The following ARHGAP42 variants were observed in gnomAD, a reference collection of about 807,000 sequenced individuals.
ARHGAP42 encodes the protein Rho GTPase activating protein 42, also known as rho GTPase-activating protein 42.
ARHGAP42 carries 63 observed loss-of-function variants against 125.0 expected under a neutral mutation model. The ratio of observed to expected loss-of-function variants is 0.50; its 90% CI spans 0.41 to 0.62. ARHGAP42 has a LOEUF of 0.62. ARHGAP42 is among the 20% of genes least tolerant of loss of function. The probability of loss-of-function intolerance (pLI) is 0.00; values close to 1 mark genes in which losing one functional copy is unlikely to be tolerated. For synonymous variants in ARHGAP42, 339 were observed against 351.0 expected (o/e 0.97, Z 0.38); for missense variants, 766 against 1,024.2 (o/e 0.75, Z 3.44).
chr11:100,843,795 T>C (rs1864996745), intron 3 of ARHGAP42, among the ~76,000 whole-genome samples: 3 of 152,116 alleles, frequency 2.0e-5, no homozygotes, highest in African/African-American at 7.2e-5. Flanking sequence ...AAAGAAGTCA[T>C]AGACAACACA....
At chr11:100,954,910 A>C (rs1396209162) in intron 12 of ARHGAP42, among the ~76,000 whole-genome samples, 1 of 152,170 alleles carries the variant, frequency 6.6e-6, no homozygotes, top group African/African-American at 2.4e-5. Flanking sequence ...GTTATCTGTG[A>C]TAAGGGACCT....
intron 12 of ARHGAP42, among the ~76,000 whole-genome samples, chr11:100,951,247 T>C (rs1212375010): frequency 6.6e-6 from 1 of 152,050 alleles, no homozygotes; most frequent in East Asian, 1.9e-4. Context: ...TAAATAATAT[T>C]TTAAAAAACT....
In ARHGAP42 at chr11:100,919,641, G is replaced by A. The variant is rs573302589; in HGVS notation, c.487-1853G>A. On this transcript the variant is annotated intron_variant, in intron 5 of 23. Transcript: ENST00000298815. Reference sequence around the variant, plus strand: ...GGTCTTGAACTCCTGAGCTCAAGCAGTCCTCCCACGTTGGCCTCTCAAAGT... The same window carrying A: ...GGTCTTGAACTCCTGAGCTCAAGCAATCCTCCCACGTTGGCCTCTCAAAGT... Among the ~76,000 whole-genome samples the A allele has an allele frequency of 8.2e-4, 124 of 152,032 alleles. 2 individuals are homozygous for A. The Middle Eastern group carries it at 0.048, about 58-fold the overall frequency.
chr11:100,933,039 A>G, intron 6 of ARHGAP42, 117 bp from the exon 7 acceptor site: 2 of 665,844 alleles, frequency 3.0e-6, no homozygotes, highest in Non-Finnish European at 4.8e-6. Flanking sequence ...TGCCAAAGCC[A>G]TTGAAAATGT....
intron 4 of ARHGAP42, among the ~76,000 whole-genome samples, chr11:100,909,768 T>C (rs1436558693): frequency 1.3e-5 from 2 of 152,222 alleles, no homozygotes; most frequent in Non-Finnish European, 2.9e-5. Context: ...TTTTCCAGCA[T>C]CATTTATTGA....
chr11:100,840,711 A>G (rs1395834684), intron 3 of ARHGAP42: 4 of 152,180 alleles, frequency 2.6e-5, no homozygotes, highest in South Asian at 2.1e-4. Context: ...CAATATTTTT[A>G]TGGTATAATT....
intron 1 of ARHGAP42, among the ~76,000 whole-genome samples, chr11:100,717,923 T>TGAAA (rs58895541): frequency 1.3e-4 from 18 of 140,908 alleles, no homozygotes; most frequent in African/African-American, 1.8e-4. Context: ...GACTCTGCCT[T>TGAAA]AAAAAAAAAA....
chr11:100,940,144 C>T (rs1484044261), intron 8 of ARHGAP42, among the ~76,000 whole-genome samples: 1 of 152,072 alleles, frequency 6.6e-6, no homozygotes, highest in Non-Finnish European at 1.5e-5. Context: ...TATGACTGCA[C>T]CCTGTAATTT....
At chr11:100,982,334 C>G (rs1196310425) in intron 22 of ARHGAP42, among the ~76,000 whole-genome samples, 3 of 152,152 alleles carry the variant, frequency 2.0e-5, no homozygotes, top group Non-Finnish European at 2.9e-5. Context: ...AATGAAGATT[C>G]CAGGGTTTTG....
At chr11:100,981,614 G>A (rs962006104) in intron 22 of ARHGAP42, among the ~76,000 whole-genome samples, 1 of 152,174 alleles carries the variant, frequency 6.6e-6, no homozygotes, top group East Asian at 1.9e-4. Flanking sequence ...GGCACTGCAG[G>A]TCATTGAACA....
intron 3 of ARHGAP42, among the ~76,000 whole-genome samples, chr11:100,808,213 G>A (rs1192466952): frequency 6.6e-6 from 1 of 152,142 alleles, no homozygotes; most frequent in Non-Finnish European, 1.5e-5. Flanking sequence ...AGAAATAAGG[G>A]AACATTTTTT....
chr11:100,707,849 G>T (rs571939120), intron 1 of ARHGAP42, among the ~76,000 whole-genome samples: 2 of 152,192 alleles, frequency 1.3e-5, no homozygotes, highest in Non-Finnish European at 2.9e-5. Context: ...GTTAGTAGGT[G>T]CCATGTGTAG....
chr11:100,782,522 A>G (rs1863338737), intron 2 of ARHGAP42, among the ~76,000 whole-genome samples: 1 of 152,180 alleles, frequency 6.6e-6, no homozygotes, highest in Non-Finnish European at 1.5e-5. Context: ...GGACAAACAT[A>G]TGAGCAAGGA....
chr11:100,973,757 A>G (rs1858316311), intron 18 of ARHGAP42, among the ~76,000 whole-genome samples: 1 of 152,196 alleles, frequency 6.6e-6, no homozygotes. Flanking sequence ...GATTTCTTGA[A>G]AAAAGTGAGA....
chr11:100,891,861 G>A (rs1293873712), intron 4 of ARHGAP42, among the ~76,000 whole-genome samples: 1 of 152,184 alleles, frequency 6.6e-6, no homozygotes, highest in Non-Finnish European at 1.5e-5. Flanking sequence ...AAGGGCACTT[G>A]ATCTAATGTG....
intron 3 of ARHGAP42, among the ~76,000 whole-genome samples, chr11:100,850,044 A>G (rs1008598212): frequency 5.3e-5 from 8 of 152,192 alleles, no homozygotes; most frequent in African/African-American, 1.7e-4. Context: ...TCCTTACCTC[A>G]TCATTATATT....
chr11:100,744,498 ATTAC>A (rs1353589944), intron 1 of ARHGAP42, among the ~76,000 whole-genome samples: 1 of 150,700 alleles, frequency 6.6e-6, no homozygotes, highest in Non-Finnish European at 1.5e-5. Flanking sequence ...TGGGTAGAGT[ATTAC>A]TTCTAATTAT....
At chr11:100,940,085 C>G (rs1344200526) in intron 8 of ARHGAP42, among the ~76,000 whole-genome samples, 3 of 151,914 alleles carry the variant, frequency 2.0e-5, no homozygotes, top group Non-Finnish European at 2.9e-5. Flanking sequence ...GAAATGGTCC[C>G]CAAATGGAAT....
At position 100,933,146 on chromosome 11, in the gene ARHGAP42, A is replaced by G. The variant is rs375060905; in HGVS notation, c.598-10A>G. 2.5e-4 allele frequency: 387 copies of G among 1,531,094 alleles called. 1 individual carries two copies. The highest frequency in any genetic ancestry group is 3.1e-4 in the Non-Finnish European group (354 of 1,131,776). 94.8% of individuals were successfully genotyped at this position (1,531,094 alleles called of 1,614,324 possible). ...ATTTTCATGGTTTCTTTATCTCTTT[A>G]TCTTTGCAGCTTTTGTCATTTCTTC... On this transcript the variant is annotated splice_polypyrimidine_tract_variant and intron_variant, in intron 6 of 23. Transcript: ENST00000298815.
Sources: allele counts gnomAD v4.1 joint callset (sites outside exome capture counted in the v4.1 genomes callset), GRCh38; gene constraint gnomAD v4.1.1; transcripts MANE v1.5; gene names NCBI Gene and HGNC (gene_info 2026-07-23, HGNC 2026-07-21).